The following CACNA1C variants were observed in gnomAD, a reference collection of about 807,000 sequenced individuals.
CACNA1C encodes the protein voltage-dependent L-type calcium channel subunit alpha-1C.
CACNA1C carries 30 observed loss-of-function variants against 229.0 expected under a neutral mutation model. That is an observed-to-expected ratio of 0.13 (90% confidence interval 0.10 to 0.18). The LOEUF (loss-of-function observed/expected upper bound fraction) is 0.18. Among genes scored for constraint, CACNA1C ranks in the 10% least tolerant of loss-of-function variants. The pLI, the probability that CACNA1C is intolerant of heterozygous loss-of-function variation, is 1.00. For missense variants in CACNA1C, 1,658 were observed against 2,845.0 expected, an observed-to-expected ratio of 0.58 and a Z score of 9.49; for synonymous variants, 1,114 against 1,132.5, an observed-to-expected ratio of 0.98 and a Z score of 0.33.
Position 2,479,199 on chromosome 12 carries a change from T to TA in CACNA1C, c.758-6900dup, listed in dbSNP as rs548466909. Among the ~76,000 whole-genome samples the TA allele has an allele frequency of 4.3e-3, 651 of 152,246 alleles. 7 individuals carry two copies. Among genetic ancestry groups the TA allele is most frequent in the African/African-American group, 0.015 (626 of 41,548 alleles). On this transcript the variant is annotated intron_variant, in intron 5 of 46. Coordinates refer to ENST00000399655, the MANE Select transcript of CACNA1C (RefSeq NM_000719.7). This position sits in a 1 kb window ranked among gnomAD's most constrained non-coding sequence, Gnocchi z 4.3. Reference sequence around the variant, plus strand: ...TGAACACCTGTTTTTTTTAAGTTTTTAAAAATTGTTTTAAATTTTCTTTTT... The same window carrying TA: ...TGAACACCTGTTTTTTTTAAGTTTTTAAAAAATTGTTTTAAATTTTCTTTTT...
chr12:2,009,096 C>A (rs924958128), intron 1 of CACNA1C, among the ~76,000 whole-genome samples: 8 of 152,178 alleles, frequency 5.3e-5, no homozygotes, highest in African/African-American at 1.7e-4. Flanking sequence ...ACTGTGTTTC[C>A]ATAAGCCTCA....
intron 3 of CACNA1C, among the ~76,000 whole-genome samples, chr12:2,404,588 C>G (rs2098715013): frequency 6.6e-6 from 1 of 152,152 alleles, no homozygotes; most frequent in Non-Finnish European, 1.5e-5. Flanking sequence ...GCACGCCTCT[C>G]CTAACATGGA....
intron 25 of CACNA1C, 77 bp from the exon 26 acceptor site, chr12:2,606,907 C>G (rs1016121470): frequency 6.6e-7 from 1 of 1,519,554 alleles, no homozygotes; most frequent in African/African-American, 1.4e-5. Flanking sequence ...TCCCACCCAG[C>G]ATTCAAGGTC....
At chr12:2,481,152 C>A (rs958842194) in intron 5 of CACNA1C, among the ~76,000 whole-genome samples, 1 of 152,118 alleles carries the variant, frequency 6.6e-6, no homozygotes, top group African/African-American at 2.4e-5. Flanking sequence ...CTGAGCAGAA[C>A]ACTTCATCCC....
chr12:2,499,452 A>C (rs2099753998), intron 7 of CACNA1C, among the ~76,000 whole-genome samples: 1 of 152,118 alleles, frequency 6.6e-6, no homozygotes, highest in Admixed American at 6.5e-5. Context: ...TGGGCTGGGG[A>C]GTTGGCCTCG....
rs899600937 is a variant in CACNA1C at position 2,608,595 on chromosome 12, C to T, written c.3441C>T (p.Ile1147=). 6.2e-7 allele frequency: 1 copy of T among 1,612,800 alleles called. No individual in the cohort carries two copies. Among genetic ancestry groups the T allele is most frequent in the Non-Finnish European group, 8.5e-7 (1 of 1,179,142 alleles). Residue 1147 remains isoleucine (I), a synonymous_variant, in exon 27 of 47, where the codon ATC becomes ATT. Coordinates refer to ENST00000399655, the MANE Select transcript of CACNA1C (RefSeq NM_000719.7). This position sits in a 1 kb window ranked among gnomAD's most constrained non-coding sequence, Gnocchi z 4.2. ...GTGTGGAGATCTCCATCTTCTTCATCATCTACATCATCATCATCGCCTTCT... is the reference window on the plus strand; with the variant it reads ...GTGTGGAGATCTCCATCTTCTTCATTATCTACATCATCATCATCGCCTTCT... ...NYRVEISIFF[I]IYIIIIAFFM...
chr12:2,219,280 A>G (rs754386414), intron 3 of CACNA1C, among the ~76,000 whole-genome samples: 2 of 152,112 alleles, frequency 1.3e-5, no homozygotes, highest in Admixed American at 1.3e-4. Context: ...CATTGTTCCT[A>G]TCCCTTCAGG....
chr12:2,421,094 A>G (rs2098974191), intron 3 of CACNA1C, among the ~76,000 whole-genome samples: 1 of 152,234 alleles, frequency 6.6e-6, no homozygotes, highest in African/African-American at 2.4e-5. Context: ...TGTTACATAA[A>G]GTTTTCAGAT....
Position 2,610,521 on chromosome 12 carries a change from A to G in CACNA1C, c.3559-20A>G. ...CCAGTTAACTAACCCCACTCTCCCC[A>G]TCCTCCACCACCCTCCCAGCGACAG... On this transcript the variant is annotated intron_variant, in intron 27 of 46. Transcript: ENST00000399655. The G allele has an allele frequency of 6.2e-7, 1 of 1,603,578 alleles. No homozygotes were observed.
chr12:2,533,455 A>G (rs1194173208), intron 9 of CACNA1C, among the ~76,000 whole-genome samples: 1 of 152,172 alleles, frequency 6.6e-6, no homozygotes, highest in Admixed American at 6.5e-5. Flanking sequence ...CGTGAAGGAG[A>G]AACAGCAAAA....
rs140994740 is a variant in CACNA1C at position 2,598,579 on chromosome 12, T to A, written c.2853+1290T>A. 3.8e-4 allele frequency among the ~76,000 whole-genome samples: 58 copies of A among 152,170 alleles called. 1 individual carries two copies. Among genetic ancestry groups the A allele is most frequent in the African/African-American group, 1.4e-3 (57 of 41,524 alleles). The stretch of plus-strand genomic sequence containing the variant: ...TCTTCCTGGGAGACTAGCCTGGGAC[T>A]CCCCCTCCCAAGGAGTCCAGGCTCC... On this transcript the variant is annotated intron_variant, in intron 21 of 46. Coordinates refer to ENST00000399655, the MANE Select transcript of CACNA1C (RefSeq NM_000719.7).
At chr12:2,631,761 C>T (rs1602853161) in intron 29 of CACNA1C, among the ~76,000 whole-genome samples, 1 of 152,250 alleles carries the variant, frequency 6.6e-6, no homozygotes, top group Non-Finnish European at 1.5e-5. Context: ...CTTCACCCAT[C>T]CTGGCTGTCC....
Position 2,226,122 on chromosome 12 carries a change from C to T in CACNA1C, c.477+105692C>T, listed in dbSNP as rs549573322. 4.9e-3 allele frequency among the ~76,000 whole-genome samples: 431 copies of T among 88,256 alleles called. 2 individuals are homozygous for T. Among genetic ancestry groups the T allele is most frequent in the African/African-American group, 0.018 (372 of 20,320 alleles). 57.9% of individuals were successfully genotyped at this position (88,256 alleles called of 152,430 possible). A position where few individuals can be genotyped will look rare whatever the true frequency, so the allele number is the denominator to read the frequency against. ...AAGGTATGCCGCTTGGATATGGGGA[C>T]GCGCACACACACACACACACACACA... On this transcript the variant is annotated intron_variant, in intron 3 of 46. Coordinates refer to ENST00000399655, the MANE Select transcript of CACNA1C (RefSeq NM_000719.7).
Position 2,248,673 on chromosome 12 carries a change from C to T in CACNA1C, c.477+128243C>T, listed in dbSNP as rs182478711. Among the ~76,000 whole-genome samples the T allele has an allele frequency of 1.6e-3, 246 of 152,326 alleles. 2 individuals are homozygous for T. The highest frequency in any genetic ancestry group is 5.6e-3 in the African/African-American group (231 of 41,578). ...TCAAAGCCGCAGTGGTATAAACTCTCGAAGAGAACAGTGTCTACCTTTACT... is the reference window on the plus strand; with the variant it reads ...TCAAAGCCGCAGTGGTATAAACTCTTGAAGAGAACAGTGTCTACCTTTACT... On this transcript the variant is annotated intron_variant, in intron 3 of 46. Coordinates refer to ENST00000399655, the MANE Select transcript of CACNA1C (RefSeq NM_000719.7).
intron 30 of CACNA1C, chr12:2,641,588 A>C (rs2153605820): frequency 7.3e-5 from 42 of 571,814 alleles, no homozygotes; most frequent in East Asian, 1.3e-4. Context: ...AACAGCCCCC[A>C]CCCCCAACAA....
intron 1 of CACNA1C, among the ~76,000 whole-genome samples, chr12:2,035,450 G>A (rs2048966916): frequency 6.6e-6 from 1 of 152,342 alleles, no homozygotes; most frequent in East Asian, 1.9e-4. Flanking sequence ...GCGGCCGGGA[G>A]GTGATGGGGT....
intron 11 of CACNA1C, among the ~76,000 whole-genome samples, chr12:2,561,938 A>G (rs777463363): frequency 3.0e-4 from 46 of 152,360 alleles, no homozygotes; most frequent in Non-Finnish European, 5.4e-4. Context: ...AAATTTACAC[A>G]TTCTAATAAA....
Position 2,666,695 on chromosome 12 carries a change from C to T in CACNA1C, c.4536C>T (p.Ile1512=). 1 of 1,592,016 alleles carries T rather than the reference C, an allele frequency of 6.3e-7. No homozygotes were observed. The highest frequency in any genetic ancestry group is 1.3e-5 in the African/African-American group (1 of 74,612). ...CTCCCTCCTCTTCTAGGGGTCGTATCAAACACCTGGATGTGGTGACCCTCC... is the reference window on the plus strand; with the variant it reads ...CTCCCTCCTCTTCTAGGGGTCGTATTAAACACCTGGATGTGGTGACCCTCC... The part of the protein sequence containing the change: ...AEYDPEAKGR[I]KHLDVVTLLR... The change falls in exon 37 of 47, where the codon ATC becomes ATT. Residue 1512 remains isoleucine (I), a synonymous_variant. Transcript: ENST00000399655. This position sits in a 1 kb window ranked among gnomAD's most constrained non-coding sequence, Gnocchi z 5.3.
chr12:2,551,725 C>T (rs1332745215), intron 10 of CACNA1C, among the ~76,000 whole-genome samples: 3 of 152,030 alleles, frequency 2.0e-5, no homozygotes, highest in African/African-American at 7.2e-5. Flanking sequence ...AGTAAGGAGG[C>T]CTGGATGAAG....
Sources: allele counts gnomAD v4.1 joint callset (sites outside exome capture counted in the v4.1 genomes callset), GRCh38; gene constraint gnomAD v4.1.1; non-coding constraint Gnocchi (gnomAD v3.1); transcripts MANE v1.5; gene names NCBI Gene and HGNC (gene_info 2026-07-23, HGNC 2026-07-21).